The following MERTK variants were observed in gnomAD, a reference collection of about 807,000 sequenced individuals.
The protein encoded by MERTK is tyrosine-protein kinase Mer.
MERTK carries 69 observed loss-of-function variants against 99.3 expected under a neutral mutation model. The observed-to-expected ratio is 0.70, with a 90% CI of 0.57 to 0.85. MERTK has a LOEUF of 0.85. Ranked by LOEUF, MERTK falls within the 40% of genes least tolerant of loss-of-function variation. The probability of loss-of-function intolerance (pLI) is 0.00; values close to 1 mark genes in which losing one functional copy is unlikely to be tolerated. For missense variants in MERTK, 1,125 were observed against 1,249.4 expected, an observed-to-expected ratio of 0.90 and a Z score of 1.50; for synonymous variants, 426 against 467.6, an observed-to-expected ratio of 0.91 and a Z score of 1.15.
At chr2:111,934,491 T>TC (rs1377617056) in intron 2 of MERTK, among the ~76,000 whole-genome samples, 3 of 152,212 alleles carry the variant, frequency 2.0e-5, no homozygotes, top group Non-Finnish European at 1.5e-5. Flanking sequence ...GAGCTTTTTT[T>TC]CATGTTTGTT....
At chr2:112,015,662 A>G (rs1327967496) in intron 15 of MERTK, 3 of 151,862 alleles carry the variant, frequency 2.0e-5, no homozygotes, top group Non-Finnish European at 4.4e-5. Flanking sequence ...GGGCAAAAAT[A>G]TTTTAATTTT....
chr2:111,961,165 T>TA (rs1685243071), intron 4 of MERTK, among the ~76,000 whole-genome samples: 2 of 141,296 alleles, frequency 1.4e-5, no homozygotes, highest in Admixed American at 7.0e-5. Flanking sequence ...TCTTTTTTTT[T>TA]TTTTTTTTTT....
At chr2:111,912,388 A>G (rs1318095896) in intron 1 of MERTK, among the ~76,000 whole-genome samples, 1 of 152,024 alleles carries the variant, frequency 6.6e-6, no homozygotes, top group Non-Finnish European at 1.5e-5. Context: ...ATTCTTTTCT[A>G]TTGTGAGGTT....
intron 2 of MERTK, chr2:111,941,014 G>T: frequency 1.8e-6 from 1 of 553,032 alleles, no homozygotes; most frequent in Admixed American, 2.5e-5. Context: ...GTAGTCAAGA[G>T]CCGTCAGCTT....
Position 111,979,869 on chromosome 2 carries a change from C to T in MERTK, c.1145-2973C>T, listed in dbSNP as rs114840321. On this transcript the variant is annotated intron_variant, in intron 7 of 18. Coordinates refer to ENST00000295408, the MANE Select transcript of MERTK (RefSeq NM_006343.3). Reference sequence around the variant, plus strand: ...GTTCCCTACACTAGCTTTGTCTCCTCTAAGCCCTCTGTTCTGTGTGGTTTT... The same window carrying T: ...GTTCCCTACACTAGCTTTGTCTCCTTTAAGCCCTCTGTTCTGTGTGGTTTT... Among the ~76,000 whole-genome samples the T allele has an allele frequency of 8.3e-3, 1,261 of 152,232 alleles. 23 individuals carry two copies. Among genetic ancestry groups the T allele is most frequent in the African/African-American group, 0.03 (1,226 of 41,522 alleles).
chr2:111,947,544 C>T lies in MERTK; in HGVS notation c.734C>T (p.Ser245Phe). Residue 245 changes from serine (S) to phenylalanine (F), a missense_variant, in exon 4 of 19, where the codon TCC becomes TTC. Coordinates refer to ENST00000295408, the MANE Select transcript of MERTK (RefSeq NM_006343.3). ...CGTGTTAACGAACAGCCTGAAAAATCCCCCTCCGTGCTAACTGTTCCAGGT... is the reference window on the plus strand; with the variant it reads ...CGTGTTAACGAACAGCCTGAAAAATTCCCCTCCGTGCTAACTGTTCCAGGT... ...SSRVNEQPEK[S>F]PSVLTVPGLT... 1 of 1,614,102 alleles carries T rather than the reference C, an allele frequency of 6.2e-7. No homozygotes were observed. The highest frequency in any genetic ancestry group is 8.5e-7 in the Non-Finnish European group (1 of 1,180,024).
At chr2:111,969,079 G>A (rs1369629062) in intron 6 of MERTK, among the ~76,000 whole-genome samples, 3 of 152,150 alleles carry the variant, frequency 2.0e-5, no homozygotes, top group African/African-American at 4.8e-5. Flanking sequence ...GGTATGAAAC[G>A]GTGCTATTAG....
intron 2 of MERTK, among the ~76,000 whole-genome samples, chr2:111,944,502 C>A (rs1684923616): frequency 3.3e-5 from 5 of 152,422 alleles, no homozygotes; most frequent in South Asian, 2.1e-4. Context: ...ATTATGAATT[C>A]CTTAAAATAA....
In MERTK at chr2:112,022,300, A is replaced by C; in HGVS notation, c.2392A>C (p.Met798Leu). The C allele has an allele frequency of 6.2e-7, 1 of 1,614,208 alleles. No homozygotes were observed. Among genetic ancestry groups the C allele is most frequent in the Admixed American group, 1.7e-5 (1 of 60,024 alleles). ...CATGTGGGAAATAGCTACGCGGGGA[A>C]TGACTCCCTATCCTGGGGTCCAGAA... The part of the protein sequence containing the change: ...VTMWEIATRG[M>L]TPYPGVQNHE... The change falls in exon 18 of 19, where the codon ATG (methionine) becomes CTG (leucine). Residue 798 changes from methionine to leucine, a missense_variant. Met to Leu is a conservative substitution (Grantham distance 15). Coordinates refer to ENST00000295408, the MANE Select transcript of MERTK (RefSeq NM_006343.3).
At chr2:111,920,669 T>C (rs576048926) in intron 1 of MERTK, among the ~76,000 whole-genome samples, 2 of 152,220 alleles carry the variant, frequency 1.3e-5, no homozygotes, top group African/African-American at 4.8e-5. Context: ...TTATTTATTT[T>C]CCGAAACAGA....
At chr2:111,918,798 A>G (rs1359176657) in intron 1 of MERTK, among the ~76,000 whole-genome samples, 1 of 152,182 alleles carries the variant, frequency 6.6e-6, no homozygotes, top group East Asian at 1.9e-4. Context: ...GACACTGTGC[A>G]TTGTTTCACG....
At chr2:111,975,228 C>T in intron 6 of MERTK, 61 bp from the exon 7 acceptor site, 1 of 1,544,486 alleles carries the variant, frequency 6.5e-7, no homozygotes, top group Non-Finnish European at 9.0e-7. Flanking sequence ...CACACAGGCC[C>T]CGTGCCTGAC....
chr2:111,904,350 G>T (rs1207529602), intron 1 of MERTK, among the ~76,000 whole-genome samples: 1 of 151,496 alleles, frequency 6.6e-6, no homozygotes, highest in Non-Finnish European at 1.5e-5. Context: ...TTTGTTTTAG[G>T]GTTTTTGAGT....
At chr2:111,984,989 A>G (rs925696673) in intron 8 of MERTK, among the ~76,000 whole-genome samples, 8 of 152,208 alleles carry the variant, frequency 5.3e-5, no homozygotes, top group Admixed American at 5.2e-4. Flanking sequence ...TTCCTGCCTT[A>G]TAATCAATCT....
chr2:111,993,002 G>C (rs1480379951), intron 8 of MERTK, among the ~76,000 whole-genome samples: 1 of 152,158 alleles, frequency 6.6e-6, no homozygotes, highest in Non-Finnish European at 1.5e-5. Flanking sequence ...CCAGATGATA[G>C]TGTTGGAATT....
intron 4 of MERTK, among the ~76,000 whole-genome samples, chr2:111,951,243 T>G (rs534831036): frequency 2.0e-5 from 3 of 152,008 alleles, no homozygotes; most frequent in Non-Finnish European, 4.4e-5. Flanking sequence ...TTTTGTTAAC[T>G]GTGCTGTACA....
At chr2:111,986,309 G>C (rs1401372717) in intron 8 of MERTK, among the ~76,000 whole-genome samples, 1 of 152,246 alleles carries the variant, frequency 6.6e-6, no homozygotes, top group African/African-American at 2.4e-5. Flanking sequence ...CATTGGCTGA[G>C]TTGCAGGAAT....
rs762299005 is a variant in MERTK at position 112,028,647 on chromosome 2, G to T, written c.2783G>T (p.Arg928Leu). Residue 928 changes from arginine (R) to leucine (L), a missense_variant, in exon 19 of 19, where the codon CGG becomes CTG. By Grantham distance (102) the Arg-to-Leu change is moderately radical. Transcript: ENST00000295408. ...CATGACAGCAAACCTCATGAAGGAC[G>T]GTACATCCTGAATGGGGGCAGTGAG... is the stretch of plus-strand genomic sequence containing the variant. Reference protein sequence around the residue: ...EVHDSKPHEGRYILNGGSEEW... With the variant: ...EVHDSKPHEGLYILNGGSEEW... 7 of 1,614,058 alleles carry T rather than the reference G, an allele frequency of 4.3e-6. No homozygotes were observed. In the Admixed American group the frequency reaches 1.0e-4, roughly 23 times the overall value.
intron 11 of MERTK, among the ~76,000 whole-genome samples, chr2:112,001,897 G>A (rs1041434758): frequency 1.3e-5 from 2 of 152,108 alleles, no homozygotes; most frequent in South Asian, 2.1e-4. Context: ...CTTGCTTGGT[G>A]TAGAATATTA....
Sources: gnomAD v4.1 joint callset for allele counts (sites outside exome capture counted in the v4.1 genomes callset) on GRCh38, gnomAD v4.1.1 for gene constraint, MANE v1.5 for transcripts, NCBI Gene and HGNC (gene_info 2026-07-23, HGNC 2026-07-21) for gene names.